RBFOX1: variants seen among roughly 807,000 people sequenced by gnomAD.
The protein encoded by RBFOX1 is RNA binding fox-1 homolog 1, also known as RNA binding protein fox-1 homolog 1.
RBFOX1 carries 8 observed loss-of-function variants against 57.7 expected under a neutral mutation model. That is an observed-to-expected ratio of 0.14 (90% CI 0.08 to 0.25). The LOEUF (loss-of-function observed/expected upper bound fraction) is 0.25. Among genes scored for constraint, RBFOX1 ranks in the 10% least tolerant of loss-of-function variants. RBFOX1 has a pLI of 1.00. For synonymous variants in RBFOX1, 326 were observed against 222.4 expected (o/e 1.47, Z -4.15); for missense variants, 611 against 548.5 (o/e 1.11, Z -1.14).
chr16:7,460,556 G>C (rs950352936), intron 4 of RBFOX1, among the ~76,000 whole-genome samples: 4 of 147,030 alleles, frequency 2.7e-5, no homozygotes, highest in African/African-American at 1.0e-4. Flanking sequence ...CACACAGTGG[G>C]GTCTACCAGA....
intron 4 of RBFOX1, among the ~76,000 whole-genome samples, chr16:7,283,407 T>C (rs7196563): frequency 0.13 from 20,164 of 151,784 alleles, 1,869 homozygotes; most frequent in African/African-American, 0.25. Context: ...GTTCCCACAG[T>C]TGGAAAGATT....
intron 3 of RBFOX1, among the ~76,000 whole-genome samples, chr16:6,726,780 T>C (rs777834260): frequency 6.6e-6 from 1 of 152,108 alleles, no homozygotes; most frequent in Non-Finnish European, 1.5e-5. Context: ...CTTACGTAAT[T>C]GCTATGTTCC....
chr16:6,329,937 T>C (rs2152805058), intron 2 of RBFOX1, among the ~76,000 whole-genome samples: 1 of 152,188 alleles, frequency 6.6e-6, no homozygotes, highest in Non-Finnish European at 1.5e-5. Flanking sequence ...AGACTCTGTC[T>C]CAAACAAATA....
At chr16:7,665,574 T>G (rs2145731745) in intron 13 of RBFOX1, among the ~76,000 whole-genome samples, 1 of 152,282 alleles carries the variant, frequency 6.6e-6, no homozygotes, top group African/African-American at 2.4e-5. Context: ...ATAGTAACAC[T>G]TTAAGTTTAT....
chr16:7,685,496 C>T (rs933219625), intron 14 of RBFOX1, among the ~76,000 whole-genome samples: 3 of 152,118 alleles, frequency 2.0e-5, no homozygotes, highest in Admixed American at 6.6e-5. Flanking sequence ...CATCTGATTT[C>T]ACTTTACTGA....
chr16:6,266,503 C>G (rs147404104), intron 1 of RBFOX1, among the ~76,000 whole-genome samples: 2,504 of 152,220 alleles, frequency 0.016, 75 homozygotes, highest in African/African-American at 0.054. Context: ...CACTTGAGGT[C>G]AGGAGTTCGA....
chr16:7,289,533 C>T (rs1226761728), intron 4 of RBFOX1, among the ~76,000 whole-genome samples: 1 of 152,054 alleles, frequency 6.6e-6, no homozygotes, highest in East Asian at 1.9e-4. Context: ...TCACCATTAT[C>T]ACCATCAGCA....
intron 4 of RBFOX1, among the ~76,000 whole-genome samples, chr16:7,320,925 T>G (rs1200187783): frequency 6.6e-6 from 1 of 152,124 alleles, no homozygotes; most frequent in Non-Finnish European, 1.5e-5. Flanking sequence ...CAGCCAGGGA[T>G]TTTCAGAGCC....
chr16:6,680,361 C>G (rs1468791147), intron 3 of RBFOX1, among the ~76,000 whole-genome samples: 2 of 148,520 alleles, frequency 1.3e-5, no homozygotes, highest in Admixed American at 6.8e-5. Flanking sequence ...CTCCCGGGTT[C>G]ACGCCATTCT....
chr16:7,006,916 G>A (rs997903008), intron 3 of RBFOX1, among the ~76,000 whole-genome samples: 5 of 152,230 alleles, frequency 3.3e-5, no homozygotes, highest in African/African-American at 9.6e-5. Flanking sequence ...CCATATGGAC[G>A]CACCGTCTTG....
intron 3 of RBFOX1, among the ~76,000 whole-genome samples, chr16:6,685,331 A>C (rs2059273733): frequency 7.3e-6 from 1 of 136,516 alleles, no homozygotes; most frequent in South Asian, 2.3e-4. Context: ...GCCGGAGTGC[A>C]GTGGCTGGAT....
chr16:6,274,128 T>G (rs1567826171), intron 1 of RBFOX1, among the ~76,000 whole-genome samples: 2 of 152,206 alleles, frequency 1.3e-5, no homozygotes, highest in Admixed American at 6.5e-5. Context: ...ATAGCCACTT[T>G]GAGATATAGT....
At chr16:6,996,281 C>G (rs952432992) in intron 3 of RBFOX1, among the ~76,000 whole-genome samples, 6 of 152,102 alleles carry the variant, frequency 3.9e-5, no homozygotes, top group African/African-American at 1.2e-4. Flanking sequence ...TTGAGTATCT[C>G]TACTTTAGAA....
At chr16:6,856,427 C>A (rs568313848) in intron 3 of RBFOX1, among the ~76,000 whole-genome samples, 1 of 152,116 alleles carries the variant, frequency 6.6e-6, no homozygotes, top group South Asian at 2.1e-4. Context: ...AATCCTGATC[C>A]CACTCAGGAG....
At chr16:7,261,107 T>C (rs1330824014) in intron 4 of RBFOX1, among the ~76,000 whole-genome samples, 1 of 152,068 alleles carries the variant, frequency 6.6e-6, no homozygotes, top group African/African-American at 2.4e-5. Context: ...TGGCATCAAG[T>C]CAGGACTTCC....
intron 2 of RBFOX1, among the ~76,000 whole-genome samples, chr16:6,449,390 G>A (rs72760936): frequency 0.27 from 40,345 of 152,152 alleles, 6,040 homozygotes; most frequent in Non-Finnish European, 0.34. Context: ...GCTTTGTTTC[G>A]GGGTAGAACA....
intron 4 of RBFOX1, among the ~76,000 whole-genome samples, chr16:7,285,253 C>A (rs1159263997): frequency 6.6e-6 from 1 of 151,688 alleles, no homozygotes; most frequent in Non-Finnish European, 1.5e-5. Flanking sequence ...TCCAATGTAC[C>A]CTTTACACAG....
At chr16:6,222,408 T>C (rs1439878011) in intron 1 of RBFOX1, among the ~76,000 whole-genome samples, 2 of 151,966 alleles carry the variant, frequency 1.3e-5, no homozygotes, top group Admixed American at 6.6e-5. Flanking sequence ...GTGATGTACG[T>C]TTTCCCTTCC....
At chr16:7,463,761 A>G (rs79594866) in intron 4 of RBFOX1, among the ~76,000 whole-genome samples, 4,669 of 152,270 alleles carry the variant, frequency 0.031, 242 homozygotes, top group African/African-American at 0.11. Context: ...TCTCATCACA[A>G]TGATAAATGT....
Sources: allele counts gnomAD v4.1 joint callset (sites outside exome capture counted in the v4.1 genomes callset), GRCh38; gene constraint gnomAD v4.1.1; transcripts MANE v1.5; gene names NCBI Gene and HGNC (gene_info 2026-07-23, HGNC 2026-07-21).